The following KIAA1958 variants were observed in gnomAD, a reference collection of about 807,000 sequenced individuals.
KIAA1958 encodes uncharacterized protein KIAA1958.
Under a neutral mutation model 47.2 loss-of-function variants are expected in KIAA1958, and 14 were observed. That is an observed-to-expected ratio of 0.30 (90% CI 0.20 to 0.46). The LOEUF (loss-of-function observed/expected upper bound fraction) is 0.46, where lower values mean the gene tolerates loss of function less well. KIAA1958 is among the 20% of genes least tolerant of loss of function. KIAA1958 has a pLI of 1.00. For missense variants in KIAA1958, 803 were observed against 909.2 expected (o/e 0.88, Z 1.50); for synonymous variants, 354 against 353.3 (o/e 1.00, Z -0.02).
rs1004391720 is a variant in KIAA1958 at position 112,661,811 on chromosome 9, C to T, written c.*1742C>T. ...CAGTGTATGACTTGATATCACATAA[C>T]GTTCTGGTGTGGTTTCCTGTAGTGA... On this transcript the variant is annotated 3_prime_UTR_variant, in exon 4 of 4. Transcript: ENST00000337530. The T allele has an allele frequency of 6.6e-6, 1 of 152,162 alleles. No homozygotes were observed. The highest frequency in any genetic ancestry group is 1.5e-5 in the Non-Finnish European group (1 of 68,034). 9.4% of individuals were successfully genotyped at this position (152,162 alleles called of 1,614,324 possible). A position where few individuals can be genotyped will look rare whatever the true frequency, so the allele number is the denominator to read the frequency against.
chr9:112,531,163 C>T (rs1834745219), intron 1 of KIAA1958, among the ~76,000 whole-genome samples: 1 of 152,136 alleles, frequency 6.6e-6, no homozygotes, highest in Admixed American at 6.5e-5. Flanking sequence ...CCGAGGCAGG[C>T]GTATCACCTG....
intron 1 of KIAA1958, among the ~76,000 whole-genome samples, chr9:112,570,751 C>T (rs2806318): frequency 6.6e-6 from 1 of 152,214 alleles, no homozygotes; most frequent in Non-Finnish European, 1.5e-5. Context: ...CATGAGAGGG[C>T]ATTTATTAGG....
At chr9:112,522,145 A>G (rs983014861) in intron 1 of KIAA1958, among the ~76,000 whole-genome samples, 1 of 151,836 alleles carries the variant, frequency 6.6e-6, no homozygotes, top group African/African-American at 2.4e-5. Context: ...CTAATTTTCT[A>G]TTTTTAGTAG....
At chr9:112,541,650 A>G (rs144658621) in intron 1 of KIAA1958, among the ~76,000 whole-genome samples, 70 of 152,216 alleles carry the variant, frequency 4.6e-4, no homozygotes, top group African/African-American at 1.6e-3. Context: ...CTGAAAATAC[A>G]AGAAAAAATA....
intron 1 of KIAA1958, among the ~76,000 whole-genome samples, chr9:112,488,156 T>C (rs900599558): frequency 1.3e-5 from 2 of 152,138 alleles, no homozygotes; most frequent in Non-Finnish European, 2.9e-5. Flanking sequence ...GAAGCCTTTA[T>C]TTCTGCTGAT....
chr9:112,573,377 T>C (rs1417454703), intron 1 of KIAA1958, among the ~76,000 whole-genome samples: 1 of 152,180 alleles, frequency 6.6e-6, no homozygotes, highest in African/African-American at 2.4e-5. Flanking sequence ...GGCCTCCCGC[T>C]TCCCCATCCT....
intron 3 of KIAA1958, among the ~76,000 whole-genome samples, chr9:112,646,421 T>C (rs921517171): frequency 8.5e-5 from 13 of 152,226 alleles, no homozygotes; most frequent in African/African-American, 2.7e-4. Flanking sequence ...GCAAGCATCC[T>C]AAGGATTAGA....
chr9:112,580,912 G>A (rs1588027067), intron 2 of KIAA1958, among the ~76,000 whole-genome samples: 1 of 152,254 alleles, frequency 6.6e-6, no homozygotes, highest in South Asian at 2.1e-4. Context: ...GAGAGACAAA[G>A]TAAAAATTCA....
At chr9:112,534,466 C>T (rs981035884) in intron 1 of KIAA1958, among the ~76,000 whole-genome samples, 1 of 151,686 alleles carries the variant, frequency 6.6e-6, no homozygotes, top group African/African-American at 2.4e-5. Flanking sequence ...TGTGAGCATT[C>T]GTTGATGTTT....
At chr9:112,512,983 G>A (rs563496699) in intron 1 of KIAA1958, among the ~76,000 whole-genome samples, 6 of 145,138 alleles carry the variant, frequency 4.1e-5, no homozygotes, top group East Asian at 2.0e-4. Flanking sequence ...GATTACAGGC[G>A]CCCGCCACCA....
chr9:112,640,760 A>G (rs1421158134), intron 2 of KIAA1958, among the ~76,000 whole-genome samples: 1 of 152,168 alleles, frequency 6.6e-6, no homozygotes. Flanking sequence ...AGTGAATTTT[A>G]TCAAGGTTGA....
chr9:112,542,179 GA>G (rs1027092736), intron 1 of KIAA1958, among the ~76,000 whole-genome samples: 18 of 152,146 alleles, frequency 1.2e-4, no homozygotes, highest in Non-Finnish European at 2.1e-4. Flanking sequence ...CCATGAATAT[GA>G]AAATATGCTG....
intron 1 of KIAA1958, among the ~76,000 whole-genome samples, chr9:112,553,183 C>A (rs1445255251): frequency 6.8e-6 from 1 of 147,716 alleles, no homozygotes; most frequent in African/African-American, 2.5e-5. Context: ...CCCCTCTCCC[C>A]TCCCCTTCTT....
intron 3 of KIAA1958, among the ~76,000 whole-genome samples, chr9:112,658,892 A>T (rs924956170): frequency 2.0e-5 from 3 of 150,174 alleles, no homozygotes; most frequent in Admixed American, 6.6e-5. Flanking sequence ...TGGTGGCGGG[A>T]GCCTATAGTC....
intron 2 of KIAA1958, among the ~76,000 whole-genome samples, chr9:112,576,666 G>T (rs1835651486): frequency 6.6e-6 from 1 of 152,138 alleles, no homozygotes; most frequent in Non-Finnish European, 1.5e-5. Flanking sequence ...AATCCATGTT[G>T]TAGCGTTTCT....
chr9:112,530,903 A>G (rs911906978), intron 1 of KIAA1958, among the ~76,000 whole-genome samples: 2 of 152,186 alleles, frequency 1.3e-5, no homozygotes, highest in Non-Finnish European at 2.9e-5. Flanking sequence ...AGAATTCTTA[A>G]TATGTTTGTC....
chr9:112,635,466 G>A (rs1456908775), intron 2 of KIAA1958, among the ~76,000 whole-genome samples: 2 of 152,088 alleles, frequency 1.3e-5, no homozygotes, highest in East Asian at 1.9e-4. Flanking sequence ...CACCCACACT[G>A]GTCTCAAACT....
intron 2 of KIAA1958, among the ~76,000 whole-genome samples, chr9:112,629,442 TTG>T (rs1338201265): frequency 1.3e-5 from 2 of 152,210 alleles, no homozygotes; most frequent in African/African-American, 4.8e-5. Context: ...CAGTTATAGT[TTG>T]TGAAAGAGGA....
rs1011561329 is a variant in KIAA1958, at chr9:112,618,833, G to T, written c.1172-26817G>T. ...GATCTGTAACAATCTGAGCCAGCAGGCTGCCCAGTCAGTGGCCGGCCACTC... is the reference window on the plus strand; with the variant it reads ...GATCTGTAACAATCTGAGCCAGCAGTCTGCCCAGTCAGTGGCCGGCCACTC... On this transcript the variant is annotated intron_variant, in intron 2 of 3. Transcript: ENST00000337530. This position sits in a 1 kb window ranked among gnomAD's most constrained non-coding sequence, Gnocchi z 7.1. 6.4e-7 allele frequency: 1 copy of T among 1,550,514 alleles called. No individual in the cohort carries two copies. The highest frequency in any genetic ancestry group is 8.7e-7 in the Non-Finnish European group (1 of 1,146,890).
Sources: allele counts gnomAD v4.1 joint callset (sites outside exome capture counted in the v4.1 genomes callset), GRCh38; gene constraint gnomAD v4.1.1; non-coding constraint Gnocchi (gnomAD v3.1); transcripts MANE v1.5; gene names NCBI Gene and HGNC (gene_info 2026-07-23, HGNC 2026-07-21).